Variants in SUGCT observed in about 807,000 individuals in gnomAD.
SUGCT encodes succinyl-CoA:glutarate-CoA transferase.
Under a neutral mutation model 55.0 loss-of-function variants are expected in SUGCT, and 41 were observed. That is an observed-to-expected ratio of 0.74 (90% CI 0.58 to 0.97). The LOEUF is 0.97. SUGCT is among the 50% of genes least tolerant of loss of function. The pLI is 0.00. For synonymous variants in SUGCT, 187 were observed against 200.4 expected (o/e 0.93, Z 0.56); for missense variants, 568 against 547.8 (o/e 1.04, Z -0.37).
the SUGCT span, among the ~76,000 whole-genome samples, chr7:40,922,441 A>C: frequency 6.6e-6 from 1 of 152,180 alleles, no homozygotes; most frequent in Non-Finnish European, 1.5e-5. Context: ...AGTCTGCCTC[A>C]TATTCACGCC....
chr7:40,392,112 C>T (rs1181594476), intron 9 of SUGCT, among the ~76,000 whole-genome samples: 5 of 152,044 alleles, frequency 3.3e-5, no homozygotes, highest in East Asian at 3.9e-4. Flanking sequence ...GGGTGGAGAA[C>T]GTCACACACC....
chr7:40,718,157 A>G (rs1584330005), intron 12 of SUGCT, among the ~76,000 whole-genome samples: 1 of 152,356 alleles, frequency 6.6e-6, no homozygotes, highest in East Asian at 1.9e-4. Context: ...GCATTCTGAT[A>G]TAAAAACTAG....
intron 11 of SUGCT, among the ~76,000 whole-genome samples, chr7:40,459,581 C>G (rs1789682844): frequency 6.6e-6 from 1 of 152,086 alleles, no homozygotes; most frequent in African/African-American, 2.4e-5. Flanking sequence ...GATACATTGT[C>G]TCGTTTAATC....
chr7:40,566,920 G>A (rs763746006), intron 12 of SUGCT, among the ~76,000 whole-genome samples: 36 of 152,006 alleles, frequency 2.4e-4, no homozygotes, highest in Non-Finnish European at 4.6e-4. Context: ...TATTCATCTG[G>A]GTAACTTAAA....
At chr7:40,398,185 G>A (rs544966064) in intron 9 of SUGCT, among the ~76,000 whole-genome samples, 1 of 152,226 alleles carries the variant, frequency 6.6e-6, no homozygotes, top group Non-Finnish European at 1.5e-5. Flanking sequence ...TCCGCCTCCC[G>A]GGTTCAAGCA....
chr7:40,665,660 G>T (rs1047505915), intron 12 of SUGCT, among the ~76,000 whole-genome samples: 2 of 152,036 alleles, frequency 1.3e-5, no homozygotes, highest in East Asian at 3.9e-4. Context: ...TGTAGGGAAA[G>T]AATTACTCTC....
chr7:40,694,403 C>T (rs1391887650), intron 12 of SUGCT, among the ~76,000 whole-genome samples: 1 of 152,226 alleles, frequency 6.6e-6, no homozygotes, highest in African/African-American at 2.4e-5. Context: ...GAACTTGGCA[C>T]TTAATGAGCT....
intron 12 of SUGCT, among the ~76,000 whole-genome samples, chr7:40,745,243 A>G (rs1283834751): frequency 2.6e-5 from 4 of 152,192 alleles, no homozygotes; most frequent in Non-Finnish European, 5.9e-5. Context: ...TACAAATATC[A>G]TTTGTATATG....
the SUGCT span, among the ~76,000 whole-genome samples, chr7:41,025,193 T>G: frequency 6.6e-6 from 1 of 152,188 alleles, no homozygotes; most frequent in Non-Finnish European, 1.5e-5. Context: ...AAGGAAGGGA[T>G]TATATGGGGA....
chr7:40,284,377 G>A (rs1793173081), intron 8 of SUGCT, among the ~76,000 whole-genome samples: 1 of 152,058 alleles, frequency 6.6e-6, no homozygotes, highest in Non-Finnish European at 1.5e-5. Flanking sequence ...GGAGGCTGAG[G>A]CAGATGGATC....
intron 9 of SUGCT, among the ~76,000 whole-genome samples, chr7:40,412,721 TA>T (rs1786763862): frequency 6.6e-6 from 1 of 152,180 alleles, no homozygotes; most frequent in South Asian, 2.1e-4. Flanking sequence ...TTACAAGTTT[TA>T]TTGTAATTTT....
At chr7:40,266,185 C>T (rs1486369825) in intron 7 of SUGCT, among the ~76,000 whole-genome samples, 94 of 116,748 alleles carry the variant, frequency 8.1e-4, no homozygotes, top group Middle Eastern at 4.6e-3. Context: ...CTTTCCTTTC[C>T]TTTTTTTTTT....
At chr7:40,982,004 T>C in the SUGCT span, among the ~76,000 whole-genome samples, 2 of 152,226 alleles carry the variant, frequency 1.3e-5, no homozygotes, top group Non-Finnish European at 2.9e-5. Flanking sequence ...AGTTGACACA[T>C]AAAATTAGCC....
the SUGCT span, among the ~76,000 whole-genome samples, chr7:40,974,686 C>A: frequency 1.3e-5 from 2 of 152,188 alleles, no homozygotes; most frequent in African/African-American, 4.8e-5. Flanking sequence ...AGTCCAATCA[C>A]CTTTGAGATG....
chr7:40,743,915 T>A (rs1026529615), intron 12 of SUGCT, among the ~76,000 whole-genome samples: 3 of 152,206 alleles, frequency 2.0e-5, no homozygotes, highest in South Asian at 2.1e-4. Flanking sequence ...TTTCTATTTT[T>A]AAAATTTTTT....
intron 8 of SUGCT, among the ~76,000 whole-genome samples, chr7:40,299,777 A>T (rs1407970697): frequency 2.0e-5 from 3 of 152,178 alleles, no homozygotes; most frequent in Non-Finnish European, 2.9e-5. Context: ...CAAACTGCAG[A>T]TGTCTAATCA....
At chr7:40,356,844 A>C (rs936594419) in intron 9 of SUGCT, among the ~76,000 whole-genome samples, 5 of 152,242 alleles carry the variant, frequency 3.3e-5, no homozygotes, top group Admixed American at 2.6e-4. Context: ...ACAACTGAAC[A>C]GTATCCATCA....
intron 13 of SUGCT, among the ~76,000 whole-genome samples, chr7:40,762,523 G>A (rs983525259): frequency 6.6e-6 from 1 of 152,168 alleles, no homozygotes; most frequent in African/African-American, 2.4e-5. Flanking sequence ...TAGGGAAACA[G>A]TATTTAACAG....
chr7:40,706,814 T>C (rs1223291553), intron 12 of SUGCT, among the ~76,000 whole-genome samples: 1 of 152,190 alleles, frequency 6.6e-6, no homozygotes, highest in Non-Finnish European at 1.5e-5. Context: ...TGAGATAGCT[T>C]TGTGTGCTGG....
Sources: allele counts gnomAD v4.1 joint callset (sites outside exome capture counted in the v4.1 genomes callset), GRCh38; gene constraint gnomAD v4.1.1; transcripts MANE v1.5; gene names NCBI Gene and HGNC (gene_info 2026-07-23, HGNC 2026-07-21).